ADAMTSL1: variants seen among roughly 807,000 people sequenced by gnomAD.
The protein encoded by ADAMTSL1 is ADAMTS like 1, also known as ADAMTS-like protein 1.
ADAMTSL1 carries 126 observed loss-of-function variants against 201.8 expected under a neutral mutation model. The observed-to-expected ratio is 0.62, with a 90% CI of 0.54 to 0.72. ADAMTSL1 has a LOEUF of 0.72. Ranked by LOEUF, ADAMTSL1 falls within the 30% of genes least tolerant of loss-of-function variation. ADAMTSL1 has a pLI of 0.00. For missense variants in ADAMTSL1, 2,679 were observed against 2,277.8 expected (o/e 1.18, Z -3.59); for synonymous variants, 1,121 against 903.4 (o/e 1.24, Z -4.32).
At chr9:18,592,737 G>A (rs942886322) in intron 4 of ADAMTSL1, among the ~76,000 whole-genome samples, 2 of 152,102 alleles carry the variant, frequency 1.3e-5, no homozygotes. Context: ...TCTTAGGATT[G>A]TTTTTTCTAT....
chr9:18,062,955 C>T (rs1033106869), intron 1 of ADAMTSL1, among the ~76,000 whole-genome samples: 1 of 152,134 alleles, frequency 6.6e-6, no homozygotes, highest in Non-Finnish European at 1.5e-5. Context: ...TTGCATGGCA[C>T]ATTATGCCAA....
intron 2 of ADAMTSL1, among the ~76,000 whole-genome samples, chr9:18,322,272 C>G (rs1251602801): frequency 1.3e-5 from 2 of 151,892 alleles, no homozygotes; most frequent in African/African-American, 4.8e-5. Context: ...GAGCTAAAAC[C>G]AATTATATAG....
chr9:18,036,868 G>T (rs1012325182), intron 1 of ADAMTSL1, among the ~76,000 whole-genome samples: 3 of 151,950 alleles, frequency 2.0e-5, no homozygotes, highest in Non-Finnish European at 4.4e-5. Context: ...TTTCCTTATG[G>T]ACACAGTAGT....
At chr9:18,296,747 C>T (rs1440058721) in intron 2 of ADAMTSL1, among the ~76,000 whole-genome samples, 2 of 152,074 alleles carry the variant, frequency 1.3e-5, no homozygotes, top group Non-Finnish European at 2.9e-5. Flanking sequence ...TCCACAGAGC[C>T]AGGATTGAGC....
chr9:18,878,664 G>A (rs1329490426), intron 23 of ADAMTSL1, among the ~76,000 whole-genome samples: 2 of 152,232 alleles, frequency 1.3e-5, no homozygotes, highest in African/African-American at 4.8e-5. Flanking sequence ...GCAGTGGCAA[G>A]CTGCTTCCTT....
chr9:17,974,447 T>C (rs1229866548), intron 1 of ADAMTSL1, among the ~76,000 whole-genome samples: 2 of 152,064 alleles, frequency 1.3e-5, no homozygotes, highest in South Asian at 4.1e-4. Flanking sequence ...GTAGTCACCA[T>C]GCTGTACTGA....
chr9:18,691,805 C>T (rs1427055147), intron 13 of ADAMTSL1, among the ~76,000 whole-genome samples: 2 of 152,138 alleles, frequency 1.3e-5, no homozygotes, highest in African/African-American at 4.8e-5. Flanking sequence ...TAATCACTAC[C>T]TCATAGGGTT....
At chr9:18,388,058 A>G (rs955649173) in intron 2 of ADAMTSL1, among the ~76,000 whole-genome samples, 10 of 152,116 alleles carry the variant, frequency 6.6e-5, no homozygotes, top group African/African-American at 2.2e-4. Context: ...TTTGTTTGAT[A>G]TTTAACAAAA....
At chr9:18,260,972 T>A (rs537273947) in intron 2 of ADAMTSL1, among the ~76,000 whole-genome samples, 2 of 151,780 alleles carry the variant, frequency 1.3e-5, no homozygotes, top group East Asian at 3.9e-4. Flanking sequence ...TAAGTAGAGA[T>A]TCTGCTGTTC....
rs1034823446 is a variant in ADAMTSL1, at chr9:18,742,246, A to C, written c.2007-11052A>C. Among the ~76,000 whole-genome samples, 21 of 152,310 alleles carry C rather than the reference A, an allele frequency of 1.4e-4. 1 individual carries two copies. Among genetic ancestry groups the C allele is most frequent in the African/African-American group, 4.6e-4 (19 of 41,570 alleles). On this transcript the variant is annotated intron_variant, in intron 15 of 28. Coordinates refer to ENST00000380548, the MANE Select transcript of ADAMTSL1 (RefSeq NM_001040272.6). ...TTTGCAGGAACACAATCCAACCCAT[A>C]ATAAGGAGAAATACTTAGGTTTGTA...
At chr9:18,692,537 A>G (rs1015830997) in intron 13 of ADAMTSL1, among the ~76,000 whole-genome samples, 2 of 152,186 alleles carry the variant, frequency 1.3e-5, no homozygotes, top group African/African-American at 4.8e-5. Flanking sequence ...TGCCAAAATA[A>G]AGTATGCACC....
At chr9:18,710,920 A>G (rs2133355678) in intron 14 of ADAMTSL1, among the ~76,000 whole-genome samples, 1 of 152,176 alleles carries the variant, frequency 6.6e-6, no homozygotes, top group East Asian at 1.9e-4. Context: ...ATTACTTCCC[A>G]CATTCACACC....
chr9:17,966,433 C>T (rs758131451), intron 1 of ADAMTSL1, among the ~76,000 whole-genome samples: 1 of 152,142 alleles, frequency 6.6e-6, no homozygotes, highest in Non-Finnish European at 1.5e-5. Context: ...TCAGAAGCCT[C>T]TTCATGTGCC....
intron 2 of ADAMTSL1, among the ~76,000 whole-genome samples, chr9:18,323,209 C>T (rs935362136): frequency 6.6e-6 from 1 of 151,972 alleles, no homozygotes; most frequent in Admixed American, 6.6e-5. Flanking sequence ...CCAATTAATC[C>T]TAGGAATGTA....
chr9:18,260,236 A>G (rs1174469304), intron 2 of ADAMTSL1, among the ~76,000 whole-genome samples: 1 of 152,238 alleles, frequency 6.6e-6, no homozygotes, highest in East Asian at 1.9e-4. Context: ...TCTTCTACCC[A>G]CTGAACTAGA....
intron 1 of ADAMTSL1, among the ~76,000 whole-genome samples, chr9:17,974,232 G>A (rs1332657922): frequency 2.0e-5 from 3 of 151,988 alleles, no homozygotes; most frequent in African/African-American, 7.2e-5. Flanking sequence ...CATAGTGTTG[G>A]CAGTTCTGGC....
intron 9 of ADAMTSL1, among the ~76,000 whole-genome samples, chr9:18,671,174 C>A (rs149850378): frequency 1.3e-5 from 2 of 151,890 alleles, no homozygotes; most frequent in Admixed American, 1.3e-4. Context: ...ATATAAAGGG[C>A]CAATAGTACA....
At chr9:18,793,070 C>A (rs536575108) in intron 19 of ADAMTSL1, among the ~76,000 whole-genome samples, 2 of 152,302 alleles carry the variant, frequency 1.3e-5, no homozygotes, top group East Asian at 3.9e-4. Context: ...AGTTGAATGC[C>A]ACAAAACTTG....
At chr9:18,364,995 G>C (rs1049046715) in intron 2 of ADAMTSL1, among the ~76,000 whole-genome samples, 4 of 152,078 alleles carry the variant, frequency 2.6e-5, no homozygotes, top group African/African-American at 9.7e-5. Context: ...ATTACAATTT[G>C]ACATGAGATT....
Sources: gnomAD v4.1 joint callset for allele counts (sites outside exome capture counted in the v4.1 genomes callset) on GRCh38, gnomAD v4.1.1 for gene constraint, MANE v1.5 for transcripts, NCBI Gene and HGNC (gene_info 2026-07-23, HGNC 2026-07-21) for gene names.